RB1: variants seen among roughly 807,000 people sequenced by gnomAD.
The protein encoded by RB1 is retinoblastoma-associated protein.
A neutral mutation model predicts 135.4 loss-of-function variants in RB1; 18 were observed. That is an observed-to-expected ratio of 0.13 (90% confidence interval 0.09 to 0.20). RB1 has a LOEUF of 0.20. Among genes scored for constraint, RB1 ranks in the 10% least tolerant of loss-of-function variants. The pLI, the probability that RB1 is intolerant of heterozygous loss-of-function variation, is 1.00. For synonymous variants in RB1, 365 were observed against 373.2 expected, an observed-to-expected ratio of 0.98 and a Z score of 0.25; for missense variants, 868 against 1,110.0, an observed-to-expected ratio of 0.78 and a Z score of 3.10.
At chr13:48,307,179 T>G in intron 1 of RB1, 101 bp from the exon 2 acceptor site, 1 of 905,038 alleles carries the variant, frequency 1.1e-6, no homozygotes, top group South Asian at 1.5e-5. Flanking sequence ...ATAATGTTCT[T>G]TTTCACAGTA....
At chr13:48,334,238 T>C (rs1438190423) in intron 2 of RB1, among the ~76,000 whole-genome samples, 3 of 152,176 alleles carry the variant, frequency 2.0e-5, no homozygotes, top group Non-Finnish European at 4.4e-5. Context: ...GTAAGGTCAG[T>C]TTTTACATTC....
intron 17 of RB1, among the ~76,000 whole-genome samples, chr13:48,446,675 G>T (rs946886563): frequency 2.0e-5 from 3 of 152,124 alleles, no homozygotes; most frequent in African/African-American, 7.2e-5. Context: ...AGGAAGCATG[G>T]TCAAAGAGTA....
chr13:48,304,549 G>A (rs575910124), intron 1 of RB1, among the ~76,000 whole-genome samples: 1 of 152,250 alleles, frequency 6.6e-6, no homozygotes, highest in Non-Finnish European at 1.5e-5. Flanking sequence ...CGACCAGAAA[G>A]CCTTGGACAA....
intron 6 of RB1, among the ~76,000 whole-genome samples, chr13:48,357,169 A>T (rs74581084): frequency 0.011 from 1,607 of 151,876 alleles, 28 homozygotes; most frequent in African/African-American, 0.037. Flanking sequence ...TACTCTATTT[A>T]AAAATATTCT....
chr13:48,342,475 A>T, intron 2 of RB1, 124 bp from the exon 3 acceptor site: 1 of 641,640 alleles, frequency 1.6e-6, no homozygotes, highest in South Asian at 1.9e-5. Context: ...TTACAAATAT[A>T]CAGTATTACA....
chr13:48,369,564 G>A (rs1952737253), intron 11 of RB1, among the ~76,000 whole-genome samples: 1 of 152,156 alleles, frequency 6.6e-6, no homozygotes, highest in Non-Finnish European at 1.5e-5. Flanking sequence ...ATGCCTAAAA[G>A]ATCTTATATG....
intron 23 of RB1, 97 bp downstream of exon 23, chr13:48,465,465 C>A (rs1036115415): frequency 1.6e-6 from 2 of 1,237,452 alleles, no homozygotes; most frequent in Admixed American, 3.9e-5. Context: ...TTCAAATAAG[C>A]TAGACTCTTG....
At chr13:48,429,664 A>G (rs1014925740) in intron 17 of RB1, 4 of 152,142 alleles carry the variant, frequency 2.6e-5, no homozygotes, top group South Asian at 2.1e-4. Context: ...TTTTAAAATT[A>G]AAATGTTATA....
intron 4 of RB1, 113 bp downstream of exon 4, chr13:48,345,312 G>A: frequency 8.1e-7 from 1 of 1,235,246 alleles, no homozygotes; most frequent in Non-Finnish European, 1.2e-6. Flanking sequence ...TTAATTCTTA[G>A]ACTTGTCCCT....
At chr13:48,367,706 A>G (rs1952718043) in intron 10 of RB1, 103 bp downstream of exon 10, 2 of 1,327,338 alleles carry the variant, frequency 1.5e-6, no homozygotes, top group South Asian at 2.6e-5. Context: ...GATATCATTT[A>G]TAACAAATTA....
intron 6 of RB1, among the ~76,000 whole-genome samples, chr13:48,354,115 A>G (rs1952571237): frequency 6.6e-6 from 1 of 152,102 alleles, no homozygotes; most frequent in Admixed American, 6.6e-5. Flanking sequence ...ATATAAAGGG[A>G]ATCCAGATTG....
At chr13:48,447,539 A>G (rs182072445) in intron 17 of RB1, among the ~76,000 whole-genome samples, 3 of 152,324 alleles carry the variant, frequency 2.0e-5, no homozygotes, top group East Asian at 1.9e-4. Context: ...AATATTATAT[A>G]TTACTCTGTG....
At chr13:48,439,326 A>G (rs1459831048) in intron 17 of RB1, among the ~76,000 whole-genome samples, 1 of 152,238 alleles carries the variant, frequency 6.6e-6, no homozygotes, top group Non-Finnish European at 1.5e-5. Flanking sequence ...AATATTAACT[A>G]GTACTATTAT....
At chr13:48,311,052 A>G (rs997344431) in intron 2 of RB1, among the ~76,000 whole-genome samples, 4 of 152,166 alleles carry the variant, frequency 2.6e-5, no homozygotes, top group African/African-American at 9.7e-5. Flanking sequence ...GTATGGTAGA[A>G]TGGAAAATGC....
At chr13:48,420,984 C>T (rs1314198829) in intron 17 of RB1, among the ~76,000 whole-genome samples, 1 of 152,158 alleles carries the variant, frequency 6.6e-6, no homozygotes, top group African/African-American at 2.4e-5. Context: ...AGATTCAATG[C>T]TATCCCTATC....
In RB1 at chr13:48,459,972, T is replaced by C. The variant is rs368843896; in HGVS notation, c.2106+139T>C. The C allele has an allele frequency of 0.093, 33,704 of 361,926 alleles. 3,051 individuals carry two copies. The highest frequency in any genetic ancestry group is 0.11 in the South Asian group (4,460 of 40,892). 22.4% of individuals were successfully genotyped at this position (361,926 alleles called of 1,614,324 possible). Reference sequence around the variant, plus strand: ...TTCTTTTTCTTTCTTTCTTTCTCTCTTTCTTTCTTTTTTTTGAGATAGAGT... The same window carrying C: ...TTCTTTTTCTTTCTTTCTTTCTCTCCTTCTTTCTTTTTTTTGAGATAGAGT... On this transcript the variant is annotated intron_variant, in intron 20 of 26. Transcript: ENST00000267163.
intron 2 of RB1, chr13:48,320,575 G>A: frequency 2.3e-6 from 1 of 429,396 alleles, no homozygotes; most frequent in Non-Finnish European, 4.3e-6. Context: ...GCTCAAGCCC[G>A]TAATCACAGC....
chr13:48,350,812 T>C (rs565135539), intron 6 of RB1, among the ~76,000 whole-genome samples: 3 of 152,296 alleles, frequency 2.0e-5, no homozygotes, highest in Admixed American at 6.5e-5. Flanking sequence ...CTCCCACTTA[T>C]AAGTGAGGCC....
intron 2 of RB1, among the ~76,000 whole-genome samples, chr13:48,312,420 A>G (rs2044744192): frequency 1.3e-5 from 2 of 152,074 alleles, no homozygotes; most frequent in South Asian, 4.1e-4. Context: ...TAAGGAAAGG[A>G]TATGTTGATT....
Sources: gnomAD v4.1 joint callset for allele counts (sites outside exome capture counted in the v4.1 genomes callset) on GRCh38, gnomAD v4.1.1 for gene constraint, MANE v1.5 for transcripts, NCBI Gene and HGNC (gene_info 2026-07-23, HGNC 2026-07-21) for gene names.